Variants in CPVL observed in about 807,000 individuals in gnomAD.
The protein encoded by CPVL is carboxypeptidase vitellogenic like.
In CPVL, 51 loss-of-function variants were observed where a neutral mutation model predicts 63.7. The ratio of observed to expected loss-of-function variants is 0.80; its 90% CI spans 0.64 to 1.01. The LOEUF is 1.01. CPVL is among the 50% of genes least tolerant of loss of function. CPVL has a pLI of 0.00. For synonymous variants in CPVL, 195 were observed against 206.0 expected (o/e 0.95, Z 0.46); for missense variants, 530 against 573.1 (o/e 0.92, Z 0.77).
intron 5 of CPVL, among the ~76,000 whole-genome samples, chr7:29,157,764 T>G (rs1794612947): frequency 6.6e-6 from 1 of 152,186 alleles, no homozygotes; most frequent in African/African-American, 2.4e-5. Context: ...AACTCATTTT[T>G]CTGCCAGAAC....
chr7:29,059,219 TAC>T (rs1300827011), intron 11 of CPVL, among the ~76,000 whole-genome samples: 2 of 152,172 alleles, frequency 1.3e-5, no homozygotes, highest in African/African-American at 2.4e-5. Context: ...TTATCTCTGT[TAC>T]AGTGTTTTTG....
At chr7:29,099,310 C>T (rs1189151485) in intron 3 of CPVL, among the ~76,000 whole-genome samples, 3 of 152,126 alleles carry the variant, frequency 2.0e-5, no homozygotes, top group East Asian at 1.9e-4. Context: ...GTTTTATTCT[C>T]GCTCCTGTAG....
chr7:29,145,604 T>C (rs905223001), intron 1 of CPVL, among the ~76,000 whole-genome samples: 5 of 151,438 alleles, frequency 3.3e-5, no homozygotes, highest in Admixed American at 1.3e-4. Context: ...CAATCATAAC[T>C]GATAAGGAAA....
chr7:29,082,907 C>A lies in CPVL; in HGVS notation c.609+3577G>T, dbSNP rs1053563607. ...TATTTCCAAGACAAGGCATTACACACGAAGTAGACCACTCTTCTGTGGGAG... is the reference window on the plus strand; with the variant it reads ...TATTTCCAAGACAAGGCATTACACAAGAAGTAGACCACTCTTCTGTGGGAG... On this transcript the variant is annotated intron_variant, in intron 7 of 12. Coordinates refer to ENST00000265394, the MANE Select transcript of CPVL (RefSeq NM_031311.5). Among the ~76,000 whole-genome samples, 4 of 152,164 alleles carry A rather than the reference C, an allele frequency of 2.6e-5. No individual in the cohort carries two copies. In the East Asian group the frequency reaches 5.8e-4, roughly 22 times the overall value.
At chr7:29,054,283 A>T (rs181807799) in intron 11 of CPVL, among the ~76,000 whole-genome samples, 7 of 152,186 alleles carry the variant, frequency 4.6e-5, no homozygotes, top group African/African-American at 1.7e-4. Flanking sequence ...GGAGTAATTT[A>T]TTTTTCCTAA....
rs1196163142 is a variant in CPVL at position 29,072,513 on chromosome 7, G to A, written c.610-90C>T. On this transcript the variant is annotated intron_variant, in intron 7 of 12. Coordinates refer to ENST00000265394, the MANE Select transcript of CPVL (RefSeq NM_031311.5). ...AGCTAATTAAAATAACAATGAAGGA[G>A]CAATCTTTCCACATGAGGTATACCA... The A allele has an allele frequency of 2.6e-5, 37 of 1,423,130 alleles. No individual in the cohort carries two copies. The East Asian group carries it at 6.8e-4, about 26-fold the overall frequency. 88.2% of individuals were successfully genotyped at this position (1,423,130 alleles called of 1,614,324 possible). A position where few individuals can be genotyped will look rare whatever the true frequency, so the allele number is the denominator to read the frequency against.
intron 2 of CPVL, among the ~76,000 whole-genome samples, chr7:29,114,424 AGAGT>A (rs894645041): frequency 2.6e-5 from 4 of 152,162 alleles, no homozygotes; most frequent in African/African-American, 9.7e-5. Context: ...GCTTTCAACT[AGAGT>A]GAGTCAGAAG....
At chr7:29,030,347 G>A (rs1042557829) in intron 12 of CPVL, among the ~76,000 whole-genome samples, 18 of 152,062 alleles carry the variant, frequency 1.2e-4, no homozygotes, top group African/African-American at 3.6e-4. Flanking sequence ...TTAATGAATT[G>A]TCTCCTTACC....
At chr7:29,003,940 C>T (rs1333627479) in intron 12 of CPVL, among the ~76,000 whole-genome samples, 2 of 152,194 alleles carry the variant, frequency 1.3e-5, no homozygotes, top group African/African-American at 2.4e-5. Context: ...TGCCTGCACT[C>T]ACCTCCTGCT....
chr7:29,176,142 C>T (rs981211097), intron 5 of CPVL, among the ~76,000 whole-genome samples: 5 of 151,522 alleles, frequency 3.3e-5, no homozygotes, highest in South Asian at 4.2e-4. Context: ...GCCAAGATCG[C>T]GCCACTGCAC....
chr7:29,182,009 C>T (rs774979911), intron 4 of CPVL, among the ~76,000 whole-genome samples: 3 of 152,146 alleles, frequency 2.0e-5, no homozygotes, highest in Non-Finnish European at 4.4e-5. Flanking sequence ...AACATAAATG[C>T]TGTAAATGAC....
At chr7:29,046,375 C>T (rs1018970815) in intron 11 of CPVL, among the ~76,000 whole-genome samples, 4 of 152,098 alleles carry the variant, frequency 2.6e-5, no homozygotes, top group African/African-American at 9.7e-5. Context: ...TCAGCCACCG[C>T]GCCCGACCAG....
chr7:29,030,443 A>G (rs1787912675), intron 12 of CPVL, 134 bp downstream of exon 12: 2 of 799,568 alleles, frequency 2.5e-6, no homozygotes, highest in African/African-American at 1.7e-5. Flanking sequence ...TGTGGAAAGT[A>G]GGGCCACAGA....
rs890989859 is a variant in CPVL, at chr7:29,034,763, C to T, written c.1138-4004G>A. On this transcript the variant is annotated intron_variant, in intron 11 of 12. Transcript: ENST00000265394. ...CCATGTTGCCAAGGCTGCTCTCAAACTTCTGGGCTCAAGTGATCTACCTGC... is the reference window on the plus strand; with the variant it reads ...CCATGTTGCCAAGGCTGCTCTCAAATTTCTGGGCTCAAGTGATCTACCTGC... 1.7e-4 allele frequency among the ~76,000 whole-genome samples: 25 copies of T among 151,096 alleles called. 1 individual carries two copies. Among genetic ancestry groups the T allele is most frequent in the African/African-American group, 6.1e-4 (25 of 40,998 alleles).
At chr7:29,139,724 T>A (rs1041963985) in intron 1 of CPVL, among the ~76,000 whole-genome samples, 1 of 152,156 alleles carries the variant, frequency 6.6e-6, no homozygotes, top group Non-Finnish European at 1.5e-5. Flanking sequence ...TGGTTTTACA[T>A]GGAGTGTGCA....
intron 2 of CPVL, among the ~76,000 whole-genome samples, chr7:29,119,743 G>C (rs1465457786): frequency 6.6e-6 from 1 of 152,096 alleles, no homozygotes; most frequent in Non-Finnish European, 1.5e-5. Context: ...ATCTTAATGA[G>C]AAAACTAAGG....
At chr7:29,016,196 CAA>C (rs1241065602) in intron 12 of CPVL, among the ~76,000 whole-genome samples, 1 of 151,922 alleles carries the variant, frequency 6.6e-6, no homozygotes, top group Non-Finnish European at 1.5e-5. Flanking sequence ...ACTAAAAACA[CAA>C]AAATCAGCCA....
intron 9 of CPVL, 43 bp from the exon 10 acceptor site, chr7:29,066,164 T>G (rs779464889): frequency 1.0e-6 from 1 of 954,636 alleles, no homozygotes; most frequent in Non-Finnish European, 1.7e-6. Flanking sequence ...AAAGAAAACA[T>G]CAGTGTGGAT....
intron 11 of CPVL, among the ~76,000 whole-genome samples, chr7:29,061,998 A>T (rs1412571193): frequency 2.6e-5 from 4 of 152,048 alleles, no homozygotes; most frequent in Non-Finnish European, 5.9e-5. Context: ...CAAGGGCACA[A>T]ATAACACATA....
Sources: allele counts gnomAD v4.1 joint callset (sites outside exome capture counted in the v4.1 genomes callset), GRCh38; gene constraint gnomAD v4.1.1; transcripts MANE v1.5; gene names NCBI Gene and HGNC (gene_info 2026-07-23, HGNC 2026-07-21).